Variants in PCDHGA5 observed in about 807,000 individuals in gnomAD.
The protein encoded by PCDHGA5 is protocadherin gamma subfamily A, 5.
PCDHGA5 carries 36 observed loss-of-function variants against 56.7 expected under a neutral mutation model. The ratio of observed to expected loss-of-function variants is 0.64; its 90% confidence interval spans 0.49 to 0.84. PCDHGA5 has a LOEUF of 0.84. Ranked by LOEUF, PCDHGA5 falls within the 40% of genes least tolerant of loss-of-function variation. The pLI, the probability that PCDHGA5 is intolerant of heterozygous loss-of-function variation, is 0.00. For synonymous variants in PCDHGA5, 563 were observed against 520.2 expected (o/e 1.08, Z -1.12); for missense variants, 1,305 against 1,201.5 (o/e 1.09, Z -1.27).
intron 1 of PCDHGA5, chr5:141,371,309 A>G: frequency 1.2e-6 from 2 of 1,614,012 alleles, no homozygotes; most frequent in Non-Finnish European, 8.5e-7. Flanking sequence ...CCACTATTGG[A>G]GAACTGGACT....
intron 1 of PCDHGA5, chr5:141,478,112 G>A (rs2099430344): frequency 1.2e-6 from 2 of 1,613,968 alleles, no homozygotes; most frequent in South Asian, 2.2e-5. Flanking sequence ...CACTGTGTCA[G>A]TAACCGAGGA....
At chr5:141,495,274 G>A (rs1396412578) in intron 2 of PCDHGA5, among the ~76,000 whole-genome samples, 1 of 152,190 alleles carries the variant, frequency 6.6e-6, no homozygotes, top group Non-Finnish European at 1.5e-5. Context: ...TTGACCGGAG[G>A]AGGCGGTCCG....
At chr5:141,390,674 T>C (rs1389887545) in intron 1 of PCDHGA5, 1 of 189,116 alleles carries the variant, frequency 5.3e-6, no homozygotes, top group East Asian at 1.5e-4. Flanking sequence ...ATAAAAATAA[T>C]AAAGCCAAAG....
At chr5:141,463,532 T>G (rs1237301892) in intron 1 of PCDHGA5, among the ~76,000 whole-genome samples, 1 of 133,692 alleles carries the variant, frequency 7.5e-6, no homozygotes, top group African/African-American at 2.8e-5. Flanking sequence ...TACTAGAAAC[T>G]CCGGCTCCCG....
intron 1 of PCDHGA5, chr5:141,410,277 T>A (rs1461250700): frequency 1.9e-6 from 3 of 1,613,896 alleles, no homozygotes; most frequent in Non-Finnish European, 2.5e-6. Context: ...CAGTTTTACC[T>A]GGTGGTGGCC....
At chr5:141,464,131 G>C (rs982496493) in intron 1 of PCDHGA5, among the ~76,000 whole-genome samples, 19 of 152,056 alleles carry the variant, frequency 1.2e-4, no homozygotes, top group Admixed American at 2.0e-4. Flanking sequence ...TGGGTGTGGT[G>C]GTGGGCGCCT....
rs761189685 is a variant in PCDHGA5 at position 141,404,203 on chromosome 5, A to G, written c.2421+37452A>G. On this transcript the variant is annotated intron_variant, in intron 1 of 3. Coordinates refer to ENST00000518069, the MANE Select transcript of PCDHGA5 (RefSeq NM_018918.3). Reference sequence around the variant, plus strand: ...TTCTTGACCGAGAAAAAGCCTCAGAATATAATATCACGGTGACTGCAACAG... The same window carrying G: ...TTCTTGACCGAGAAAAAGCCTCAGAGTATAATATCACGGTGACTGCAACAG... 11 of 1,613,806 alleles carry G rather than the reference A, an allele frequency of 6.8e-6. No individual in the cohort carries two copies. In the South Asian group the frequency reaches 1.2e-4, roughly 18 times the overall value.
At chr5:141,394,658 A>G (rs755560495) in intron 1 of PCDHGA5, 1 of 1,610,022 alleles carries the variant, frequency 6.2e-7, no homozygotes, top group South Asian at 1.1e-5. Flanking sequence ...GCGAGCCGGG[A>G]CTCTTCTCGG....
At chr5:141,419,556 C>A (rs202164819) in intron 1 of PCDHGA5, 227 of 1,611,892 alleles carry the variant, frequency 1.4e-4, no homozygotes, top group Non-Finnish European at 8.6e-5. Context: ...CTGTACCCTG[C>A]GCTGGGTCCC....
rs531855306 is a variant in PCDHGA5 at position 141,422,110 on chromosome 5, T to C, written c.2421+55359T>C. 230 of 1,606,626 alleles carry C rather than the reference T, an allele frequency of 1.4e-4. 6 individuals carry two copies. The South Asian group carries it at 2.5e-3, about 17-fold the overall frequency. On this transcript the variant is annotated intron_variant, in intron 1 of 3. Coordinates refer to ENST00000518069, the MANE Select transcript of PCDHGA5 (RefSeq NM_018918.3). The stretch of plus-strand genomic sequence containing the variant: ...AAGCAAGGCTTCTGAAATATTCCAA[T>C]TGGATTCACAAACTGGAGAAGTTCA...
chr5:141,507,397 AC>A (rs1163501030), intron 3 of PCDHGA5: 1 of 152,144 alleles, frequency 6.6e-6, no homozygotes. Flanking sequence ...TGGCAACTCT[AC>A]CCCAGATGTC....
At chr5:141,380,956 A>G (rs1776884378) in intron 1 of PCDHGA5, among the ~76,000 whole-genome samples, 1 of 152,252 alleles carries the variant, frequency 6.6e-6, no homozygotes, top group African/African-American at 2.4e-5. Context: ...CAAGAAGTTC[A>G]AAAGTACTAT....
chr5:141,454,908 C>T (rs1370482009), intron 1 of PCDHGA5, among the ~76,000 whole-genome samples: 3 of 145,392 alleles, frequency 2.1e-5, no homozygotes, highest in Non-Finnish European at 4.5e-5. Context: ...CCCGGGTTCA[C>T]GCCATTCTCC....
chr5:141,421,924 G>A, intron 1 of PCDHGA5: 1 of 1,613,564 alleles, frequency 6.2e-7, no homozygotes, highest in South Asian at 1.1e-5. Context: ...TCGTGTGGTG[G>A]TCCTCGATGT....
intron 1 of PCDHGA5, chr5:141,424,091 G>A: frequency 1.1e-6 from 1 of 879,778 alleles, no homozygotes; most frequent in Non-Finnish European, 1.4e-6. Context: ...ACCATTATTT[G>A]CTATTACTGC....
intron 1 of PCDHGA5, chr5:141,479,198 GA>G (rs1288699377): frequency 6.6e-6 from 1 of 152,304 alleles, no homozygotes; most frequent in African/African-American, 2.4e-5. Context: ...AGAAAATACA[GA>G]AAAGTATTTA....
chr5:141,428,061 G>A (rs755817800), intron 1 of PCDHGA5: 1 of 1,609,154 alleles, frequency 6.2e-7, no homozygotes, highest in South Asian at 1.1e-5. Flanking sequence ...GGTGGCGGTG[G>A]ACGCAGATTC....
chr5:141,448,449 T>A (rs528049717), intron 1 of PCDHGA5, among the ~76,000 whole-genome samples: 1 of 152,166 alleles, frequency 6.6e-6, no homozygotes, highest in Non-Finnish European at 1.5e-5. Context: ...CTGACTTCCA[T>A]CCCTATCCTA....
intron 1 of PCDHGA5, among the ~76,000 whole-genome samples, chr5:141,396,910 A>G (rs1335319555): frequency 1.3e-5 from 2 of 152,208 alleles, no homozygotes; most frequent in Non-Finnish European, 2.9e-5. Flanking sequence ...GCACTTTGCA[A>G]TTTTAAAAAC....
Sources: allele counts gnomAD v4.1 joint callset (sites outside exome capture counted in the v4.1 genomes callset), GRCh38; gene constraint gnomAD v4.1.1; transcripts MANE v1.5; gene names NCBI Gene and HGNC (gene_info 2026-07-23, HGNC 2026-07-21).